Variants in TFDP2 observed in about 807,000 individuals in gnomAD.
The protein encoded by TFDP2 is transcription factor Dp-2.
TFDP2 carries 17 observed loss-of-function variants against 59.3 expected under a neutral mutation model. The observed-to-expected ratio is 0.29, with a 90% CI of 0.20 to 0.43. The LOEUF is 0.43. Ranked by LOEUF, TFDP2 falls within the 20% of genes least tolerant of loss-of-function variation. TFDP2 has a pLI of 1.00. For missense variants in TFDP2, 391 were observed against 528.8 expected (o/e 0.74, Z 2.56); for synonymous variants, 180 against 194.7 (o/e 0.92, Z 0.63).
chr3:142,106,112 TG>T (rs63019860), intron 1 of TFDP2, among the ~76,000 whole-genome samples: 111,698 of 149,536 alleles, frequency 0.75, 41,269 homozygotes, highest in South Asian at 0.8. Context: ...TGTTTAATTG[TG>T]GTTAAAAAAA....
At chr3:141,993,712 C>A (rs934192138) in intron 5 of TFDP2, 127 bp from the exon 6 acceptor site, 5 of 480,970 alleles carry the variant, frequency 1.0e-5, no homozygotes, top group African/African-American at 8.1e-5. Context: ...CTAGCAAATA[C>A]AAAAGATAGG....
At chr3:142,117,943 C>T (rs1161030515) in intron 1 of TFDP2, among the ~76,000 whole-genome samples, 5 of 151,992 alleles carry the variant, frequency 3.3e-5, no homozygotes, top group Non-Finnish European at 5.9e-5. Flanking sequence ...CAAAAATATA[C>T]AGAAATTAGC....
chr3:142,110,650 T>A (rs1185349989), intron 1 of TFDP2, among the ~76,000 whole-genome samples: 1 of 152,020 alleles, frequency 6.6e-6, no homozygotes, highest in Non-Finnish European at 1.5e-5. Flanking sequence ...AAACACTAAG[T>A]ATTAAAAATA....
intron 1 of TFDP2, among the ~76,000 whole-genome samples, chr3:142,102,623 T>G (rs760803431): frequency 1.3e-5 from 2 of 152,162 alleles, no homozygotes; most frequent in Admixed American, 6.5e-5. Flanking sequence ...CGTTGAAATA[T>G]CTCCCTACAA....
At chr3:142,000,120 C>A (rs778275861) in intron 4 of TFDP2, 2 of 479,414 alleles carry the variant, frequency 4.2e-6, no homozygotes, top group Non-Finnish European at 7.4e-6. Context: ...ATGGCTGTAA[C>A]TGGGTGTCTT....
At chr3:142,080,995 A>C (rs1053906278) in intron 3 of TFDP2, among the ~76,000 whole-genome samples, 1 of 152,216 alleles carries the variant, frequency 6.6e-6, no homozygotes, top group Non-Finnish European at 1.5e-5. Flanking sequence ...ACCTAATAAG[A>C]TATTTACAAA....
chr3:141,962,747 A>G (rs1576469187), intron 10 of TFDP2, among the ~76,000 whole-genome samples: 1 of 152,252 alleles, frequency 6.6e-6, no homozygotes, highest in East Asian at 1.9e-4. Context: ...CAAGAGCGCC[A>G]GGAAGAAGAG....
In TFDP2 at chr3:142,121,100, G is replaced by A. The variant is rs2062029442; in HGVS notation, c.-92-19259C>T. 1.3e-5 allele frequency among the ~76,000 whole-genome samples: 2 copies of A among 152,182 alleles called. 1 individual carries two copies. The highest frequency in any genetic ancestry group is 4.1e-4 in the South Asian group (2 of 4,832). On this transcript the variant is annotated intron_variant, in intron 1 of 12. Transcript: ENST00000489671. The surrounding 1 kb of genome is among the most constrained non-coding windows in gnomAD (Gnocchi z 4.3). ...TAGACGTGTGTGTGCCAGCTTTAAG[G>A]TATGGATATTCACCAGGGAGATTTG...
At chr3:142,091,881 G>A (rs976347264) in intron 3 of TFDP2, among the ~76,000 whole-genome samples, 2 of 152,156 alleles carry the variant, frequency 1.3e-5, no homozygotes, top group East Asian at 3.9e-4. Context: ...CTGCTATGCA[G>A]CCTGGTTCCT....
chr3:142,122,877 C>T (rs1172085383), intron 1 of TFDP2, among the ~76,000 whole-genome samples: 2 of 151,970 alleles, frequency 1.3e-5, no homozygotes, highest in Admixed American at 1.3e-4. Context: ...TAATTAATTG[C>T]AGTAACATGC....
chr3:142,013,035 G>A (rs1405932368), intron 3 of TFDP2, among the ~76,000 whole-genome samples: 5 of 152,146 alleles, frequency 3.3e-5, no homozygotes, highest in East Asian at 1.9e-4. Flanking sequence ...TACTTAGGAG[G>A]CTGAGGCAGG....
chr3:141,983,049 A>G (rs748106307), intron 6 of TFDP2, among the ~76,000 whole-genome samples: 9 of 152,218 alleles, frequency 5.9e-5, no homozygotes, highest in Non-Finnish European at 8.8e-5. Flanking sequence ...GAATTTTCAT[A>G]AGCAATATAA....
chr3:142,056,699 T>C (rs1264411036), intron 3 of TFDP2, among the ~76,000 whole-genome samples: 1 of 152,164 alleles, frequency 6.6e-6, no homozygotes, highest in Non-Finnish European at 1.5e-5. Flanking sequence ...AAAAAGTATG[T>C]TATTTGCTGC....
intron 3 of TFDP2, among the ~76,000 whole-genome samples, chr3:142,030,854 T>C (rs894659047): frequency 6.8e-6 from 1 of 147,164 alleles, no homozygotes; most frequent in Non-Finnish European, 1.5e-5. Flanking sequence ...GCCATTCTCC[T>C]GCCTCAGCCT....
chr3:142,056,101 G>A (rs1705625), intron 3 of TFDP2, among the ~76,000 whole-genome samples: 2 of 151,454 alleles, frequency 1.3e-5, no homozygotes, highest in South Asian at 4.2e-4. Context: ...TTACAGGTAC[G>A]CGCCACCACA....
At chr3:142,083,475 A>C (rs2060707914) in intron 3 of TFDP2, among the ~76,000 whole-genome samples, 1 of 152,198 alleles carries the variant, frequency 6.6e-6, no homozygotes, top group African/African-American at 2.4e-5. Context: ...AATACCAATG[A>C]CATTCTTCAC....
chr3:142,021,520 T>C (rs1253909775), intron 3 of TFDP2, among the ~76,000 whole-genome samples: 1 of 152,204 alleles, frequency 6.6e-6, no homozygotes, highest in African/African-American at 2.4e-5. Flanking sequence ...ATAAATCTTA[T>C]ATGTCAGTCT....
At chr3:142,048,958 C>T (rs1331186485) in intron 3 of TFDP2, among the ~76,000 whole-genome samples, 1 of 152,116 alleles carries the variant, frequency 6.6e-6, no homozygotes, top group Non-Finnish European at 1.5e-5. Flanking sequence ...ATCATAATAG[C>T]ATCTATCTTG....
intron 3 of TFDP2, among the ~76,000 whole-genome samples, chr3:142,039,289 T>C (rs1451545741): frequency 6.6e-6 from 1 of 152,230 alleles, no homozygotes; most frequent in Non-Finnish European, 1.5e-5. Context: ...TTTATTTGTA[T>C]TGCATTTAGT....
Sources: gnomAD v4.1 joint callset for allele counts (sites outside exome capture counted in the v4.1 genomes callset) on GRCh38, gnomAD v4.1.1 for gene constraint, Gnocchi (gnomAD v3.1) non-coding constraint, MANE v1.5 for transcripts, NCBI Gene and HGNC (gene_info 2026-07-23, HGNC 2026-07-21) for gene names.